SNX16: variants seen among roughly 807,000 people sequenced by gnomAD.
SNX16 encodes sorting nexin-16.
A neutral mutation model predicts 36.7 loss-of-function variants in SNX16; 35 were observed. That is an observed-to-expected ratio of 0.95 (90% CI 0.73 to 1.27). The LOEUF is 1.27. Ranked by LOEUF, SNX16 falls within the 50% of genes most tolerant of loss-of-function variation. The pLI, the probability that SNX16 is intolerant of heterozygous loss-of-function variation, is 0.00. For missense variants in SNX16, 367 were observed against 393.6 expected (o/e 0.93, Z 0.57); for synonymous variants, 134 against 132.0 (o/e 1.02, Z -0.10).
rs781098691 is a variant in SNX16 at position 81,803,111 on chromosome 8, T to A, written c.799A>T (p.Thr267Ser). Reference protein sequence around the residue: ...LLSEKQLHIDTLENRIRTLSL... With the variant: ...LLSEKQLHIDSLENRIRTLSL... ...ACACACCTGATTCTGTTCTCTAAAG[T>A]GTCTATATGAAGTTGCTTCTCACTG... Residue 267 changes from threonine to serine, a missense_variant, in exon 6 of 8, where the codon ACT becomes TCT. By Grantham distance (58) the Thr-to-Ser change is moderately conservative (BLOSUM62 1). Coordinates refer to ENST00000345957, the MANE Select transcript of SNX16 (RefSeq NM_152836.3). 6.2e-7 allele frequency: 1 copy of A among 1,607,922 alleles called. No individual in the cohort carries two copies. The highest frequency in any genetic ancestry group is 1.1e-5 in the South Asian group (1 of 89,706).
At chr8:81,821,810 T>C (rs1335553913) in intron 4 of SNX16, among the ~76,000 whole-genome samples, 1 of 152,110 alleles carries the variant, frequency 6.6e-6, no homozygotes, top group Non-Finnish European at 1.5e-5. Flanking sequence ...AAACATTAGA[T>C]TGGATGGTGA....
rs543101373 is a variant in SNX16, at chr8:81,800,610, G to A, written c.*887C>T. On this transcript the variant is annotated 3_prime_UTR_variant, in exon 8 of 8. Transcript: ENST00000345957. The stretch of plus-strand genomic sequence containing the variant: ...TCTTCACACAAATAGAAATAAAAAT[G>A]CAATGTCAGGAGTCAAGCCAGTTAG... The A allele has an allele frequency of 6.6e-6, 1 of 152,168 alleles. No individual in the cohort carries two copies. The highest frequency in any genetic ancestry group is 1.5e-5 in the Non-Finnish European group (1 of 67,692). The allele number at this position is 152,168 out of a possible 1,614,324, so 9.4% of individuals were successfully genotyped here. A position where few individuals can be genotyped will look rare whatever the true frequency, so the allele number is the denominator to read the frequency against.
chr8:81,830,549 T>C (rs147042476), intron 2 of SNX16, among the ~76,000 whole-genome samples: 1,479 of 128,674 alleles, frequency 0.011, 21 homozygotes, highest in African/African-American at 0.041. Context: ...CCAGCCTGGG[T>C]GACGACAGAG....
intron 3 of SNX16, among the ~76,000 whole-genome samples, chr8:81,827,637 T>C (rs1196650155): frequency 2.0e-5 from 3 of 152,304 alleles, no homozygotes; most frequent in East Asian, 1.9e-4. Context: ...AATCTTAAAA[T>C]GGATAAAATA....
rs529024809 is a variant in SNX16, at chr8:81,827,107, C to T, written c.462+2323G>A. On this transcript the variant is annotated intron_variant, in intron 3 of 7. Coordinates refer to ENST00000345957, the MANE Select transcript of SNX16 (RefSeq NM_152836.3). The stretch of plus-strand genomic sequence containing the variant: ...CTCTTTCTGGTACCTATAACACCAA[C>T]ATAAACACTTATTAATTTTAAATGC... 2.0e-5 allele frequency among the ~76,000 whole-genome samples: 3 copies of T among 152,248 alleles called. No individual in the cohort carries two copies. The South Asian group carries it at 6.2e-4, about 32-fold the overall frequency.
chr8:81,815,395 CT>C lies in SNX16; in HGVS notation c.612-2del, dbSNP rs768023651. On this transcript the variant is annotated splice_acceptor_variant, in intron 4 of 7. Coordinates refer to ENST00000345957, the MANE Select transcript of SNX16 (RefSeq NM_152836.3). LOFTEE classifies it high-confidence loss of function. ...ACAAAGAAATTCTCTCACTGCAAGG[CT>C]TTTCAAAGGAAAAAAAAAATGATCT... 6.2e-7 allele frequency: 1 copy of C among 1,608,724 alleles called. No individual in the cohort carries two copies. The highest frequency in any genetic ancestry group is 1.3e-5 in the African/African-American group (1 of 74,422).
Position 81,815,517 on chromosome 8 carries a change from G to C in SNX16, c.612-123C>G. ...AAGTTGGTTATGTGTTTTCATACAA[G>C]TAACTAAATATAAATATAAAACTAT... On this transcript the variant is annotated intron_variant, in intron 4 of 7. Coordinates refer to ENST00000345957, the MANE Select transcript of SNX16 (RefSeq NM_152836.3). 8.5e-6 allele frequency: 5 copies of C among 591,584 alleles called. No homozygotes were observed. The South Asian group carries it at 1.1e-4, about 13-fold the overall frequency. The allele number at this position is 591,584 out of a possible 1,614,324, so 36.6% of individuals were successfully genotyped here.
At chr8:81,832,229 A>T (rs1811302719) in intron 2 of SNX16, among the ~76,000 whole-genome samples, 1 of 152,252 alleles carries the variant, frequency 6.6e-6, no homozygotes, top group Non-Finnish European at 1.5e-5. Flanking sequence ...AATACTATAT[A>T]GCCATAAAAA....
intron 4 of SNX16, among the ~76,000 whole-genome samples, chr8:81,822,101 G>A (rs1810772675): frequency 6.6e-6 from 1 of 152,084 alleles, no homozygotes; most frequent in African/African-American, 2.4e-5. Context: ...TAAAGCATCA[G>A]AGCCAGTTGA....
At chr8:81,831,001 A>T (rs1334219735) in intron 2 of SNX16, among the ~76,000 whole-genome samples, 4 of 152,266 alleles carry the variant, frequency 2.6e-5, no homozygotes, top group Non-Finnish European at 4.4e-5. Context: ...AGTTGACAAA[A>T]ATAAGCATAG....
chr8:81,836,533 T>C (rs1282032336), intron 2 of SNX16, among the ~76,000 whole-genome samples: 1 of 152,182 alleles, frequency 6.6e-6, no homozygotes, highest in Admixed American at 6.5e-5. Context: ...TATCTTCCCA[T>C]TGTTTAGGCC....
chr8:81,806,906 T>C (rs1011105567), intron 5 of SNX16, among the ~76,000 whole-genome samples: 3 of 151,782 alleles, frequency 2.0e-5, no homozygotes, highest in Admixed American at 6.6e-5. Flanking sequence ...AGGAATCCTA[T>C]GGCTTTCCCT....
chr8:81,822,448 G>C (rs542335441), intron 4 of SNX16, among the ~76,000 whole-genome samples: 84 of 152,186 alleles, frequency 5.5e-4, no homozygotes, highest in Non-Finnish European at 1.1e-3. Context: ...GCAGGGACCA[G>C]AAAGAATAAG....
chr8:81,839,727 G>A lies in SNX16; in HGVS notation c.260C>T (p.Ser87Phe). 6.2e-7 allele frequency: 1 copy of A among 1,613,924 alleles called. No individual in the cohort carries two copies. The highest frequency in any genetic ancestry group is 8.5e-7 in the Non-Finnish European group (1 of 1,179,900). The change falls in exon 2 of 8, where the codon TCT becomes TTT. Residue 87 changes from serine (S) to phenylalanine (F), a missense_variant. Physicochemically the swap from Ser to Phe is radical, Grantham distance 155. Transcript: ENST00000345957. ...FTGTASSIEY[S>F]TRPRDTEEQN... ...TTCTTCAGTGTCTCTTGGTCTAGTA[G>A]AATACTCAATGGAAGAAGCTGTACC...
rs1809780387 is a variant in SNX16, at chr8:81,803,136, G to A, written c.774C>T (p.Leu258=). The change falls in exon 6 of 8, where the codon CTC becomes CTT. Residue 258 remains leucine, a synonymous_variant. Transcript: ENST00000345957. ...QKEMESLKKL[L]SEKQLHIDTL... ...TGTCTATATGAAGTTGCTTCTCACT[G>A]AGCAGTTTCTTTAGTGATTCCATCT... The A allele has an allele frequency of 6.2e-7, 1 of 1,611,492 alleles. No homozygotes were observed. The highest frequency in any genetic ancestry group is 1.7e-5 in the Admixed American group (1 of 59,758).
Position 81,839,748 on chromosome 8 carries a change from G to A in SNX16, c.239C>T (p.Thr80Ile). 6.2e-7 allele frequency: 1 copy of A among 1,613,958 alleles called. No homozygotes were observed. The highest frequency in any genetic ancestry group is 8.5e-7 in the Non-Finnish European group (1 of 1,179,894). ...SPLIRTKFTG[T>I]ASSIEYSTRP... Reference sequence around the variant, plus strand: ...AGTAGAATACTCAATGGAAGAAGCTGTACCTGTAAATTTAGTCCTAATGAG... The same window carrying A: ...AGTAGAATACTCAATGGAAGAAGCTATACCTGTAAATTTAGTCCTAATGAG... The change falls in exon 2 of 8, where the codon ACA becomes ATA. Residue 80 changes from threonine to isoleucine, a missense_variant. Thr to Ile is a moderately conservative substitution (Grantham distance 89). Transcript: ENST00000345957.
At chr8:81,822,455 T>C (rs1012833685) in intron 4 of SNX16, among the ~76,000 whole-genome samples, 3 of 152,052 alleles carry the variant, frequency 2.0e-5, no homozygotes, top group Middle Eastern at 3.4e-3. Flanking sequence ...CCAGAAAGAA[T>C]AAGTCAAACT....
intron 5 of SNX16, chr8:81,807,625 T>C (rs1810026936): frequency 5.3e-6 from 2 of 377,202 alleles, no homozygotes; most frequent in Middle Eastern, 8.3e-4. Context: ...GCAGTAGGGA[T>C]GAACTTTTAA....
At chr8:81,820,722 G>C (rs1810703707) in intron 4 of SNX16, among the ~76,000 whole-genome samples, 1 of 151,658 alleles carries the variant, frequency 6.6e-6, no homozygotes, top group African/African-American at 2.4e-5. Flanking sequence ...CCGCTTCTTT[G>C]AGTTCTTGTT....
Sources: allele counts gnomAD v4.1 joint callset (sites outside exome capture counted in the v4.1 genomes callset), GRCh38; gene constraint gnomAD v4.1.1; transcripts MANE v1.5; gene names NCBI Gene and HGNC (gene_info 2026-07-23, HGNC 2026-07-21).